The following CYP51A1 variants were observed in gnomAD, a reference collection of about 807,000 sequenced individuals.
CYP51A1 encodes lanosterol 14-alpha demethylase.
CYP51A1 carries 45 observed loss-of-function variants against 53.5 expected under a neutral mutation model. The observed-to-expected ratio is 0.84, with a 90% CI of 0.66 to 1.08. The LOEUF (loss-of-function observed/expected upper bound fraction) is 1.08. CYP51A1 is among the 50% of genes least tolerant of loss of function. CYP51A1 has a pLI of 0.00. For missense variants in CYP51A1, 462 were observed against 621.7 expected, an observed-to-expected ratio of 0.74 and a Z score of 2.73; for synonymous variants, 181 against 217.7, an observed-to-expected ratio of 0.83 and a Z score of 1.48.
At chr7:92,131,912 T>G in intron 1 of CYP51A1, 40 bp from the exon 2 acceptor site, 1 of 1,249,066 alleles carries the variant, frequency 8.0e-7, no homozygotes, top group Non-Finnish European at 1.2e-6. Flanking sequence ...TCGTGTTTCA[T>G]TTCAAGAGAG....
chr7:92,133,568 A>G (rs1819968031), intron 1 of CYP51A1, among the ~76,000 whole-genome samples: 1 of 152,160 alleles, frequency 6.6e-6, no homozygotes, highest in Non-Finnish European at 1.5e-5. Flanking sequence ...CTCCCGGCCG[A>G]GAAACTGTTA....
chr7:92,116,722 A>G (rs1223540954), intron 9 of CYP51A1, among the ~76,000 whole-genome samples: 3 of 152,224 alleles, frequency 2.0e-5, no homozygotes, highest in East Asian at 1.9e-4. Flanking sequence ...GCTGACTCCA[A>G]TGGTTCTTTA....
intron 3 of CYP51A1, among the ~76,000 whole-genome samples, chr7:92,128,168 G>C (rs1819839334): frequency 6.6e-6 from 1 of 152,164 alleles, no homozygotes. Flanking sequence ...GGCAGGAATG[G>C]GTAGGCAGGA....
chr7:92,130,128 T>G (rs1819887409), intron 2 of CYP51A1, among the ~76,000 whole-genome samples: 1 of 152,206 alleles, frequency 6.6e-6, no homozygotes, highest in South Asian at 2.1e-4. Context: ...CAGCCTCCGA[T>G]AAGAGGCAAA....
chr7:92,126,532 T>A lies in CYP51A1; in HGVS notation c.596-105A>T, dbSNP rs1473362638. 10 of 979,420 alleles carry A rather than the reference T, an allele frequency of 1.0e-5. No individual in the cohort carries two copies. In the Admixed American group the frequency reaches 2.8e-4, roughly 27 times the overall value. 60.7% of individuals were successfully genotyped at this position (979,420 alleles called of 1,614,324 possible). A position where few individuals can be genotyped will look rare whatever the true frequency, so the allele number is the denominator to read the frequency against. ...AAGAAACAAGATCCTATTCATATCA[T>A]CAAAAAAAGTCTGTAGACAGACATG... On this transcript the variant is annotated intron_variant, in intron 4 of 9. Coordinates refer to ENST00000003100, the MANE Select transcript of CYP51A1 (RefSeq NM_000786.4).
chr7:92,133,048 AAAAT>A (rs575221924), intron 1 of CYP51A1, among the ~76,000 whole-genome samples: 2 of 152,306 alleles, frequency 1.3e-5, no homozygotes, highest in South Asian at 2.1e-4. Flanking sequence ...GTGTAGGAAA[AAAAT>A]AAATAAATAA....
chr7:92,125,159 A>AG (rs1411990267), intron 5 of CYP51A1, among the ~76,000 whole-genome samples: 2 of 151,856 alleles, frequency 1.3e-5, no homozygotes, highest in Non-Finnish European at 2.9e-5. Context: ...AAAAAAAAAA[A>AG]AAAAAGAAAT....
intron 6 of CYP51A1, 63 bp from the exon 7 acceptor site, chr7:92,123,378 T>G: frequency 7.8e-7 from 1 of 1,287,160 alleles, no homozygotes; most frequent in Non-Finnish European, 1.1e-6. Context: ...GCCTCAACCT[T>G]TAAATAAAGT....
At chr7:92,132,559 A>G (rs1819945194) in intron 1 of CYP51A1, among the ~76,000 whole-genome samples, 1 of 152,010 alleles carries the variant, frequency 6.6e-6, no homozygotes, top group African/African-American at 2.4e-5. Flanking sequence ...AGGGCCCACT[A>G]TATTGTTTCT....
At chr7:92,131,471 C>A (rs1369515387) in intron 2 of CYP51A1, among the ~76,000 whole-genome samples, 1 of 152,112 alleles carries the variant, frequency 6.6e-6, no homozygotes, top group Non-Finnish European at 1.5e-5. Flanking sequence ...TAATTAATAT[C>A]AATTTTAATG....
At position 92,123,715 on chromosome 7, in the gene CYP51A1, T is replaced by C; in HGVS notation, c.890+19A>G. 1.9e-6 allele frequency: 3 copies of C among 1,582,732 alleles called. No individual in the cohort carries two copies. Among genetic ancestry groups the C allele is most frequent in the Non-Finnish European group, 1.7e-6 (2 of 1,170,066 alleles). ...TAATTTCCTGCTTCAGCTTAATATG[T>C]TATCTGAATAGCTCTTACTTGTATG... On this transcript the variant is annotated intron_variant, in intron 6 of 9. Coordinates refer to ENST00000003100, the MANE Select transcript of CYP51A1 (RefSeq NM_000786.4).
chr7:92,131,753 C>G, intron 2 of CYP51A1, 21 bp downstream of exon 2: 23 of 1,051,264 alleles, frequency 2.2e-5, no homozygotes, highest in African/African-American at 3.5e-5. Flanking sequence ...TTTTTTTCCT[C>G]TAATTATTTG....
chr7:92,134,169 G>A lies in CYP51A1; in HGVS notation c.192+4C>T, dbSNP rs2130961010. 6.2e-7 allele frequency: 1 copy of A among 1,611,296 alleles called. No individual in the cohort carries two copies. The highest frequency in any genetic ancestry group is 2.2e-4 in the Middle Eastern group (1 of 4,622). ...CCCACTCAGACCCTAAAGAATGTAC[G>A]TACCACCCCTGCGGGCAGCTGGACC... On this transcript the variant is annotated splice_donor_region_variant and intron_variant, in intron 1 of 9. Transcript: ENST00000003100.
chr7:92,123,949 T>C, intron 5 of CYP51A1, 96 bp from the exon 6 acceptor site: 1 of 995,938 alleles, frequency 1.0e-6, no homozygotes, highest in Non-Finnish European at 1.4e-6. Flanking sequence ...TAAAGCATCT[T>C]ATTTAACCAA....
rs576817109 is a variant in CYP51A1, at chr7:92,126,559, G to C, written c.596-132C>G. The C allele has an allele frequency of 2.2e-5, 16 of 734,050 alleles. 1 individual carries two copies. The Admixed American group carries it at 4.2e-4, about 19-fold the overall frequency. 45.5% of individuals were successfully genotyped at this position (734,050 alleles called of 1,614,324 possible). On this transcript the variant is annotated intron_variant, in intron 4 of 9. Transcript: ENST00000003100. ...AAAAAAAGTCTGTAGACAGACATGT[G>C]ACTATGTACAACAACAAAGAGGGGC... is the stretch of plus-strand genomic sequence containing the variant.
At chr7:92,121,836 C>T (rs1162675311) in intron 7 of CYP51A1, among the ~76,000 whole-genome samples, 1 of 152,144 alleles carries the variant, frequency 6.6e-6, no homozygotes, top group African/African-American at 2.4e-5. Flanking sequence ...AGCATGACTG[C>T]TAATGGGTAC....
In CYP51A1 at chr7:92,134,456, GC is replaced by G. The variant is rs1820002086; in HGVS notation, c.-93del. ...GCTGGCAGATGGTCGTCCACAGGGG[GC>G]CTTGCCCCAGGTCTCCTACTAAACC... On this transcript the variant is annotated 5_prime_UTR_variant, in exon 1 of 10. Coordinates refer to ENST00000003100, the MANE Select transcript of CYP51A1 (RefSeq NM_000786.4). The G allele has an allele frequency of 7.3e-7, 1 of 1,371,934 alleles. No homozygotes were observed. Among genetic ancestry groups the G allele is most frequent in the Non-Finnish European group, 9.7e-7 (1 of 1,026,970 alleles). 85.0% of individuals were successfully genotyped at this position (1,371,934 alleles called of 1,614,324 possible).
chr7:92,128,506 C>T (rs1357668114), intron 3 of CYP51A1, among the ~76,000 whole-genome samples: 1 of 149,182 alleles, frequency 6.7e-6, no homozygotes, highest in Admixed American at 6.7e-5. Flanking sequence ...GTTTTTGAGA[C>T]AGGGTCTCAC....
At position 92,134,284 on chromosome 7, in the gene CYP51A1, C is replaced by T. The variant is rs1819995287; in HGVS notation, c.81G>A (p.Val27=). ...GSVLGQAMEK[V]TGGNLLSMLL... is the part of the protein sequence containing the mutation. Reference sequence around the variant, plus strand: ...GCATGGACAAGAGGTTGCCGCCTGTCACCTTCTCCATCGCCTGGCCCAGCA... The same window carrying T: ...GCATGGACAAGAGGTTGCCGCCTGTTACCTTCTCCATCGCCTGGCCCAGCA... The change falls in exon 1 of 10, where the codon GTG becomes GTA. Residue 27 remains valine (V), a synonymous_variant. Coordinates refer to ENST00000003100, the MANE Select transcript of CYP51A1 (RefSeq NM_000786.4). The T allele has an allele frequency of 1.2e-6, 2 of 1,612,044 alleles. No individual in the cohort carries two copies. The highest frequency in any genetic ancestry group is 1.7e-6 in the Non-Finnish European group (2 of 1,179,092).
Sources: allele counts gnomAD v4.1 joint callset (sites outside exome capture counted in the v4.1 genomes callset), GRCh38; gene constraint gnomAD v4.1.1; transcripts MANE v1.5; gene names NCBI Gene and HGNC (gene_info 2026-07-23, HGNC 2026-07-21).